FHOD3: variants seen among roughly 807,000 people sequenced by gnomAD.
FHOD3 encodes the protein formin homology 2 domain containing 3.
In FHOD3, 90 loss-of-function variants were observed where a neutral mutation model predicts 173.0. That is an observed-to-expected ratio of 0.52 (90% CI 0.44 to 0.62). The LOEUF is 0.62. Ranked by LOEUF, FHOD3 falls within the 20% of genes least tolerant of loss-of-function variation. The pLI, the probability that FHOD3 is intolerant of heterozygous loss-of-function variation, is 0.00. For synonymous variants in FHOD3, 828 were observed against 823.0 expected, an observed-to-expected ratio of 1.01 and a Z score of -0.10; for missense variants, 1,945 against 2,034.7, an observed-to-expected ratio of 0.96 and a Z score of 0.85.
intron 1 of FHOD3, among the ~76,000 whole-genome samples, chr18:36,324,625 C>T (rs1334216081): frequency 6.6e-6 from 1 of 152,174 alleles, no homozygotes; most frequent in Non-Finnish European, 1.5e-5. Context: ...GACCAGTAAC[C>T]TTTATTCATC....
At chr18:36,314,307 G>T (rs974361644) in intron 1 of FHOD3, among the ~76,000 whole-genome samples, 8 of 152,156 alleles carry the variant, frequency 5.3e-5, no homozygotes, top group African/African-American at 1.9e-4. Flanking sequence ...CTATGACAGA[G>T]CTGTGTGAGA....
At chr18:36,459,072 G>A (rs74576338) in intron 3 of FHOD3, among the ~76,000 whole-genome samples, 9 of 152,264 alleles carry the variant, frequency 5.9e-5, no homozygotes, top group Non-Finnish European at 1.0e-4. Context: ...TGAGAAGGCT[G>A]TTCTTTAGTT....
intron 1 of FHOD3, among the ~76,000 whole-genome samples, chr18:36,344,073 T>G (rs1390034934): frequency 6.6e-6 from 1 of 152,144 alleles, no homozygotes; most frequent in Non-Finnish European, 1.5e-5. Context: ...AATAGGTGAA[T>G]TATGTGGTAT....
chr18:36,637,727 G>A (rs2034990782), intron 10 of FHOD3, among the ~76,000 whole-genome samples: 1 of 152,200 alleles, frequency 6.6e-6, no homozygotes, highest in Admixed American at 6.5e-5. Context: ...CCATGTGGTA[G>A]ATAGAGGGTT....
chr18:36,594,062 G>A (rs1034492707), intron 6 of FHOD3, among the ~76,000 whole-genome samples: 7 of 152,346 alleles, frequency 4.6e-5, no homozygotes, highest in African/African-American at 7.2e-5. Context: ...CAAGGCTGCC[G>A]CAGCCCCAGG....
intron 6 of FHOD3, among the ~76,000 whole-genome samples, chr18:36,579,189 T>G (rs191066904): frequency 7.2e-5 from 11 of 152,344 alleles, no homozygotes; most frequent in Admixed American, 3.3e-4. Flanking sequence ...CAAGGCACTC[T>G]GAATGGTCTC....
intron 9 of FHOD3, among the ~76,000 whole-genome samples, chr18:36,615,869 T>C (rs982474368): frequency 1.3e-5 from 2 of 152,206 alleles, no homozygotes; most frequent in East Asian, 3.8e-4. Flanking sequence ...AGTTGAGGAA[T>C]AGAACAGAAT....
intron 5 of FHOD3, among the ~76,000 whole-genome samples, chr18:36,538,521 G>T (rs1351526635): frequency 6.6e-6 from 1 of 152,190 alleles, no homozygotes; most frequent in Non-Finnish European, 1.5e-5. Context: ...AATGGTTAAT[G>T]CAAGGACTCT....
At position 36,602,772 on chromosome 18, in the gene FHOD3, G is replaced by A; in HGVS notation, c.813+4G>A. The A allele has an allele frequency of 6.2e-7, 1 of 1,610,676 alleles. No homozygotes were observed. ...TGCAATGACTTTGGTGAACAAGGTT[G>A]GTTGACTATGTTATGGGTTGAATTG... On this transcript the variant is annotated splice_donor_region_variant and intron_variant, in intron 8 of 28. Coordinates refer to ENST00000590592, the MANE Select transcript of FHOD3 (RefSeq NM_001281740.3).
At chr18:36,772,894 G>C (rs903109209) in intron 28 of FHOD3, among the ~76,000 whole-genome samples, 1 of 152,236 alleles carries the variant, frequency 6.6e-6, no homozygotes, top group African/African-American at 2.4e-5. Flanking sequence ...TTCTAGAGCT[G>C]ATTAAAGATG....
At chr18:36,771,908 C>G (rs2043401400) in intron 28 of FHOD3, among the ~76,000 whole-genome samples, 1 of 152,168 alleles carries the variant, frequency 6.6e-6, no homozygotes, top group Non-Finnish European at 1.5e-5. Flanking sequence ...ACTGGCTGGT[C>G]CTTGGAGGCC....
At chr18:36,597,412 G>A (rs186123732) in intron 7 of FHOD3, among the ~76,000 whole-genome samples, 2 of 152,140 alleles carry the variant, frequency 1.3e-5, no homozygotes, top group East Asian at 3.9e-4. Context: ...TAGCTTTATT[G>A]TTTTTGTTTT....
At chr18:36,369,893 G>A (rs932715349) in intron 2 of FHOD3, among the ~76,000 whole-genome samples, 1 of 152,178 alleles carries the variant, frequency 6.6e-6, no homozygotes, top group Admixed American at 6.5e-5. Context: ...GCAGGGTGGT[G>A]CAGGTGACCG....
intron 1 of FHOD3, among the ~76,000 whole-genome samples, chr18:36,322,637 C>T (rs488173): frequency 0.64 from 97,317 of 151,916 alleles, 31,553 homozygotes; most frequent in Non-Finnish European, 0.7. Context: ...TCATCACCTG[C>T]ACCTGGAACC....
chr18:36,763,961 G>A (rs2043032994), intron 27 of FHOD3, among the ~76,000 whole-genome samples: 1 of 152,182 alleles, frequency 6.6e-6, no homozygotes, highest in South Asian at 2.1e-4. Context: ...GATAGTTTTG[G>A]ATGTGGAATT....
intron 3 of FHOD3, among the ~76,000 whole-genome samples, chr18:36,501,302 C>A (rs1362011131): frequency 6.6e-6 from 1 of 152,184 alleles, no homozygotes; most frequent in Non-Finnish European, 1.5e-5. Context: ...TGCCCAGAGG[C>A]CCTCATGTGA....
rs187836852 is a variant in FHOD3, at chr18:36,396,536, C to T, written c.337+23792C>T. 4.1e-4 allele frequency among the ~76,000 whole-genome samples: 62 copies of T among 152,248 alleles called. 2 individuals carry two copies. The highest frequency in any genetic ancestry group is 4.1e-3 in the Admixed American group (62 of 15,298). The stretch of plus-strand genomic sequence containing the variant: ...TCCTAGTTTATCATTTCTTTAATGA[C>T]TTTTCATTTATTTAAATTCAAATGA... On this transcript the variant is annotated intron_variant, in intron 3 of 28. Coordinates refer to ENST00000590592, the MANE Select transcript of FHOD3 (RefSeq NM_001281740.3).
intron 3 of FHOD3, among the ~76,000 whole-genome samples, chr18:36,437,895 C>A (rs1051042333): frequency 6.6e-6 from 1 of 152,038 alleles, no homozygotes; most frequent in Admixed American, 6.5e-5. Flanking sequence ...ATCTCCTGAC[C>A]TCGTGATCCA....
chr18:36,297,756 C>A lies in FHOD3; in HGVS notation c.-80C>A, dbSNP rs1172942483. On this transcript the variant is annotated 5_prime_UTR_variant, in exon 1 of 29. Transcript: ENST00000590592. ...GCCAGCGAGCTGCGGCTGCGGCCTC[C>A]CCTGCGCGCAGCTACCCGGGCGTCC... 3 of 1,257,106 alleles carry A rather than the reference C, an allele frequency of 2.4e-6. No homozygotes were observed. The East Asian group carries it at 1.0e-4, about 43-fold the overall frequency. 77.9% of individuals were successfully genotyped at this position (1,257,106 alleles called of 1,614,324 possible).
Sources: gnomAD v4.1 joint callset for allele counts (sites outside exome capture counted in the v4.1 genomes callset) on GRCh38, gnomAD v4.1.1 for gene constraint, MANE v1.5 for transcripts, NCBI Gene and HGNC (gene_info 2026-07-23, HGNC 2026-07-21) for gene names.